Variants in EYA2 observed in about 807,000 individuals in gnomAD.
The protein encoded by EYA2 is protein phosphatase EYA2.
In EYA2, 31 loss-of-function variants were observed where a neutral mutation model predicts 69.2. The observed-to-expected ratio is 0.45, with a 90% CI of 0.34 to 0.60. EYA2 has a LOEUF of 0.60. EYA2 is among the 20% of genes least tolerant of loss of function. EYA2 has a pLI of 0.02. For synonymous variants in EYA2, 257 were observed against 279.4 expected, an observed-to-expected ratio of 0.92 and a Z score of 0.80; for missense variants, 622 against 701.2, an observed-to-expected ratio of 0.89 and a Z score of 1.28.
chr20:46,938,143 C>T (rs1986001166), intron 1 of EYA2, among the ~76,000 whole-genome samples: 1 of 152,206 alleles, frequency 6.6e-6, no homozygotes, highest in African/African-American at 2.4e-5. Flanking sequence ...TTTTTCTCCC[C>T]AGCTCTTTAA....
intron 2 of EYA2, among the ~76,000 whole-genome samples, chr20:46,993,473 A>C (rs576442400): frequency 6.6e-6 from 1 of 152,318 alleles, no homozygotes; most frequent in Non-Finnish European, 1.5e-5. Context: ...GCTCTGCAGG[A>C]CCAGCCCTCC....
Position 47,091,296 on chromosome 20 carries a change from C to T in EYA2, c.804+1915C>T, listed in dbSNP as rs2032077070. Reference sequence around the variant, plus strand: ...CTGACGTCCAGTGTGGCTGGGTGGCCCCTGCCACCTTCATTGTCAAAGCCT... The same window carrying T: ...CTGACGTCCAGTGTGGCTGGGTGGCTCCTGCCACCTTCATTGTCAAAGCCT... On this transcript the variant is annotated intron_variant, in intron 8 of 15. Coordinates refer to ENST00000327619, the MANE Select transcript of EYA2 (RefSeq NM_005244.5). Among the ~76,000 whole-genome samples the T allele has an allele frequency of 3.3e-5, 5 of 152,084 alleles. No individual in the cohort carries two copies. The South Asian group carries it at 1.0e-3, about 32-fold the overall frequency.
At chr20:47,069,408 G>A (rs1239110680) in intron 5 of EYA2, among the ~76,000 whole-genome samples, 1 of 152,174 alleles carries the variant, frequency 6.6e-6, no homozygotes, top group South Asian at 2.1e-4. Context: ...AGAATCACTT[G>A]AACCTGAGAG....
chr20:47,116,375 A>G (rs2032893000), intron 9 of EYA2, among the ~76,000 whole-genome samples: 1 of 151,812 alleles, frequency 6.6e-6, no homozygotes, highest in African/African-American at 2.4e-5. Flanking sequence ...ACTGGGTTTC[A>G]CCATGTTGGC....
chr20:47,048,515 A>G (rs569278095), intron 5 of EYA2, among the ~76,000 whole-genome samples: 83 of 152,336 alleles, frequency 5.4e-4, no homozygotes, highest in Non-Finnish European at 9.7e-4. Context: ...AGGCAGGTGG[A>G]TCACAAGGTC....
At position 47,183,391 on chromosome 20, in the gene EYA2, G is replaced by C. The variant is rs2034575999; in HGVS notation, c.1536G>C (p.Lys512Asn). Residue 512 changes from lysine (K) to asparagine (N), a missense_variant and splice_region_variant, in exon 15 of 16, where the codon AAG becomes AAC. This residue lies in a region of EYA2 where 257 missense variants were observed against 351.5 expected (regional missense o/e 0.73). Coordinates refer to ENST00000327619, the MANE Select transcript of EYA2 (RefSeq NM_005244.5). ...TGGAAGAGGAGCAAGGAGCGAAAAA[G>C]GTACTTCTTCCACCTCTCAGACTGC... Reference protein sequence around the residue: ...DGVEEEQGAKKHNMPFWRISC... With the variant: ...DGVEEEQGAKNHNMPFWRISC... The C allele has an allele frequency of 1.2e-6, 2 of 1,613,900 alleles. No homozygotes were observed. The highest frequency in any genetic ancestry group is 8.5e-7 in the Non-Finnish European group (1 of 1,179,880).
At chr20:47,099,536 A>G (rs971504249) in intron 9 of EYA2, among the ~76,000 whole-genome samples, 1 of 152,182 alleles carries the variant, frequency 6.6e-6, no homozygotes, top group African/African-American at 2.4e-5. Flanking sequence ...CTCAATCAAT[A>G]AAAAGAGAGC....
intron 9 of EYA2, among the ~76,000 whole-genome samples, chr20:47,129,459 G>C (rs1443548984): frequency 6.6e-6 from 1 of 152,204 alleles, no homozygotes; most frequent in East Asian, 1.9e-4. Flanking sequence ...CTGAGGAACA[G>C]CATGTGCAAA....
Position 47,180,955 on chromosome 20 carries a change from T to A in EYA2, c.1435+19T>A. On this transcript the variant is annotated intron_variant, in intron 14 of 15. Coordinates refer to ENST00000327619, the MANE Select transcript of EYA2 (RefSeq NM_005244.5). ...AAGACAGGTAGGGAGAAGCCACACC[T>A]CGGCGGGGATACAGGGTTGGAGGGT... The A allele has an allele frequency of 6.2e-7, 1 of 1,611,910 alleles. No homozygotes were observed.
At chr20:47,100,928 T>C (rs1234326305) in intron 9 of EYA2, among the ~76,000 whole-genome samples, 1 of 152,214 alleles carries the variant, frequency 6.6e-6, no homozygotes, top group Non-Finnish European at 1.5e-5. Context: ...GCCTCTACAG[T>C]CTTATTCCCT....
chr20:46,959,215 C>T (rs566428282), intron 1 of EYA2, among the ~76,000 whole-genome samples: 1 of 152,160 alleles, frequency 6.6e-6, no homozygotes, highest in African/African-American at 2.4e-5. Flanking sequence ...GCAGAATGAC[C>T]TGACTGAGTC....
chr20:46,911,151 A>C (rs1242197707), intron 1 of EYA2, among the ~76,000 whole-genome samples: 1 of 152,204 alleles, frequency 6.6e-6, no homozygotes, highest in Non-Finnish European at 1.5e-5. Flanking sequence ...CTTGGTATTT[A>C]CAAAAAAGAG....
At chr20:47,182,045 C>T (rs932171693) in intron 14 of EYA2, among the ~76,000 whole-genome samples, 26 of 151,614 alleles carry the variant, frequency 1.7e-4, no homozygotes, top group African/African-American at 6.1e-4. Flanking sequence ...GATGGAGTTT[C>T]TCTCTTGTTG....
chr20:46,974,344 T>C (rs539107172), intron 1 of EYA2, among the ~76,000 whole-genome samples: 1 of 152,348 alleles, frequency 6.6e-6, no homozygotes, highest in East Asian at 1.9e-4. Context: ...CTCCTGCCTG[T>C]TTCTCTTCCC....
At chr20:47,178,821 G>GTGGGTGGATGGATGGAGAT (rs2034475811) in intron 12 of EYA2, among the ~76,000 whole-genome samples, 1 of 108,944 alleles carries the variant, frequency 9.2e-6, no homozygotes, top group Non-Finnish European at 1.8e-5. Context: ...GGATGGGTGG[G>GTGGGTGGATGGATGGAGAT]TGGGTGGATG....
At chr20:47,089,986 C>G (rs2032024011) in intron 8 of EYA2, among the ~76,000 whole-genome samples, 1 of 152,106 alleles carries the variant, frequency 6.6e-6, no homozygotes, top group Non-Finnish European at 1.5e-5. Flanking sequence ...GAGGCTGGCT[C>G]TAATGAGTGT....
intron 1 of EYA2, among the ~76,000 whole-genome samples, chr20:46,983,119 CATCTT>C (rs1036284133): frequency 2.6e-5 from 4 of 152,114 alleles, no homozygotes; most frequent in Non-Finnish European, 1.5e-5. Flanking sequence ...GCAGCATTCT[CATCTT>C]AAATCAATTT....
At chr20:46,911,978 G>A (rs1279957702) in intron 1 of EYA2, among the ~76,000 whole-genome samples, 1 of 152,160 alleles carries the variant, frequency 6.6e-6, no homozygotes, top group Non-Finnish European at 1.5e-5. Context: ...TGAGGTGACG[G>A]ATATTCTAAA....
chr20:47,011,246 G>A (rs1435509874), intron 4 of EYA2, among the ~76,000 whole-genome samples: 1 of 152,126 alleles, frequency 6.6e-6, no homozygotes, highest in African/African-American at 2.4e-5. Flanking sequence ...GAAAGCAGAG[G>A]GCACCTGCCT....
Sources: gnomAD v4.1 joint callset for allele counts (sites outside exome capture counted in the v4.1 genomes callset) on GRCh38, gnomAD v4.1.1 for gene constraint, gnomAD v4.1.1 regional missense constraint, MANE v1.5 for transcripts, NCBI Gene and HGNC (gene_info 2026-07-23, HGNC 2026-07-21) for gene names.